Variants in HNRNPF observed in about 807,000 individuals in gnomAD.
HNRNPF encodes heterogeneous nuclear ribonucleoprotein F.
Under a neutral mutation model 26.0 loss-of-function variants are expected in HNRNPF, and 2 were observed. That is an observed-to-expected ratio of 0.08 (90% CI 0.03 to 0.24). The LOEUF (loss-of-function observed/expected upper bound fraction) is 0.24. HNRNPF is among the 10% of genes least tolerant of loss of function. HNRNPF has a pLI of 1.00. For missense variants in HNRNPF, 299 were observed against 539.2 expected, an observed-to-expected ratio of 0.55 and a Z score of 4.41; for synonymous variants, 234 against 211.5, an observed-to-expected ratio of 1.11 and a Z score of -0.92.
chr10:43,403,966 T>G (rs1838831962), intron 1 of HNRNPF, among the ~76,000 whole-genome samples: 1 of 150,434 alleles, frequency 6.6e-6, no homozygotes, highest in Non-Finnish European at 1.5e-5. Flanking sequence ...CACTCCAGTG[T>G]GGGCATCAAA....
chr10:43,405,111 T>C (rs1345487032), intron 1 of HNRNPF, among the ~76,000 whole-genome samples: 8 of 152,226 alleles, frequency 5.3e-5, no homozygotes, highest in African/African-American at 1.9e-4. Context: ...ATTTTGTTTT[T>C]AATTATTTTA....
intron 2 of HNRNPF, among the ~76,000 whole-genome samples, chr10:43,395,764 C>T (rs1310795195): frequency 6.6e-6 from 1 of 152,166 alleles, no homozygotes; most frequent in Non-Finnish European, 1.5e-5. Context: ...CTTGTTTATC[C>T]CTGCGTGATC....
intron 1 of HNRNPF, among the ~76,000 whole-genome samples, chr10:43,402,536 G>C (rs1474628013): frequency 1.3e-5 from 2 of 152,112 alleles, no homozygotes; most frequent in Admixed American, 6.6e-5. Context: ...GAGAAAATTT[G>C]TTACTAGTCT....
intron 3 of HNRNPF, among the ~76,000 whole-genome samples, chr10:43,390,534 C>A (rs140629485): frequency 8.9e-4 from 135 of 152,282 alleles, no homozygotes; most frequent in African/African-American, 3.1e-3. Context: ...CAACTGCTAT[C>A]CCCCTCCTTT....
At chr10:43,391,337 A>G (rs1434075030) in intron 3 of HNRNPF, among the ~76,000 whole-genome samples, 1 of 151,728 alleles carries the variant, frequency 6.6e-6, no homozygotes, top group African/African-American at 2.4e-5. Flanking sequence ...GGGCGCCTGT[A>G]GTCCCAGCCA....
intron 3 of HNRNPF, among the ~76,000 whole-genome samples, chr10:43,392,064 T>G (rs1355810595): frequency 6.6e-6 from 1 of 151,972 alleles, no homozygotes; most frequent in Non-Finnish European, 1.5e-5. Flanking sequence ...ACCAACATGG[T>G]GAAATCCCGC....
intron 1 of HNRNPF, among the ~76,000 whole-genome samples, chr10:43,407,336 A>G (rs1284182692): frequency 6.6e-6 from 1 of 151,986 alleles, no homozygotes; most frequent in Non-Finnish European, 1.5e-5. Context: ...AGTTTCGAGA[A>G]CTAAAGAGGC....
chr10:43,392,525 A>C (rs1564395069), intron 3 of HNRNPF, among the ~76,000 whole-genome samples: 1 of 152,016 alleles, frequency 6.6e-6, no homozygotes, highest in Non-Finnish European at 1.5e-5. Context: ...GGCGACAGAG[A>C]CTCGTCTCAA....
Position 43,387,543 on chromosome 10 carries a change from C to T in HNRNPF, c.342G>A (p.Arg114=), listed in dbSNP as rs1838075936. ...SADSANDGFV[R]LRGLPFGCTK... is the part of the protein sequence containing the mutation. ...TGCATCCAAATGGGAGTCCTCGAAG[C>T]CGCACGAAGCCATCGTTGGCGCTGT... The change falls in exon 4 of 4, where the codon CGG becomes CGA. Residue 114 remains arginine (R), a synonymous_variant. Coordinates refer to ENST00000682386, the MANE Select transcript of HNRNPF (RefSeq NM_001098204.2). The surrounding 1 kb of genome is among the most constrained non-coding windows in gnomAD (Gnocchi z 6.0). 1 of 1,614,230 alleles carries T rather than the reference C, an allele frequency of 6.2e-7. No individual in the cohort carries two copies. Among genetic ancestry groups the T allele is most frequent in the South Asian group, 1.1e-5 (1 of 91,086 alleles).
At chr10:43,392,733 T>C (rs918546350) in intron 3 of HNRNPF, among the ~76,000 whole-genome samples, 2 of 152,196 alleles carry the variant, frequency 1.3e-5, no homozygotes, top group African/African-American at 4.8e-5. Context: ...AACCATTAAC[T>C]GTAGGGAATC....
rs1413824403 is a variant in HNRNPF at position 43,401,332 on chromosome 10, G to A, written c.-246-4742C>T. Among the ~76,000 whole-genome samples the A allele has an allele frequency of 5.9e-5, 9 of 152,136 alleles. No homozygotes were observed. In the South Asian group the frequency reaches 1.5e-3, roughly 25 times the overall value. Reference sequence around the variant, plus strand: ...GTGTTACTAAAAAGCATCAAGAGTAGTATAATGTAATGTTAGATAAATTTT... The same window carrying A: ...GTGTTACTAAAAAGCATCAAGAGTAATATAATGTAATGTTAGATAAATTTT... On this transcript the variant is annotated intron_variant, in intron 1 of 3. Transcript: ENST00000682386.
intron 3 of HNRNPF, among the ~76,000 whole-genome samples, chr10:43,388,364 T>G (rs1838113122): frequency 6.6e-6 from 1 of 152,070 alleles, no homozygotes; most frequent in Admixed American, 6.5e-5. Flanking sequence ...CTTTCATGAG[T>G]AAAAATAAGG....
At chr10:43,399,641 G>A (rs1017073011) in intron 1 of HNRNPF, among the ~76,000 whole-genome samples, 9 of 152,174 alleles carry the variant, frequency 5.9e-5, no homozygotes, top group African/African-American at 2.2e-4. Flanking sequence ...TGAATGGTGG[G>A]AAGAGATACA....
intron 1 of HNRNPF, chr10:43,396,902 AGG>A (rs1480643699): frequency 2.6e-4 from 1 of 3,778 alleles, no homozygotes; most frequent in African/African-American, 1.1e-3. Context: ...GGGGGAGGGG[AGG>A]GGAGGGGAGG....
intron 1 of HNRNPF, among the ~76,000 whole-genome samples, chr10:43,402,521 A>G (rs1838785074): frequency 6.6e-6 from 1 of 152,128 alleles, no homozygotes; most frequent in Non-Finnish European, 1.5e-5. Flanking sequence ...AGCCTCCATA[A>G]CCGTGAGAAA....
chr10:43,391,826 C>T (rs141830406), intron 3 of HNRNPF, among the ~76,000 whole-genome samples: 10 of 152,296 alleles, frequency 6.6e-5, no homozygotes, highest in African/African-American at 2.2e-4. Flanking sequence ...ATTAAACATG[C>T]TCAGTTCTAC....
Position 43,386,181 on chromosome 10 carries a change from A to T in HNRNPF, c.*456T>A, listed in dbSNP as rs1430918645. On this transcript the variant is annotated 3_prime_UTR_variant, in exon 4 of 4. Coordinates refer to ENST00000682386, the MANE Select transcript of HNRNPF (RefSeq NM_001098204.2). The stretch of plus-strand genomic sequence containing the variant: ...GTATTAGTATTGTGTCTCAATTCTC[A>T]AAACTAACTTTTAAAAAGCTTAAAC... 6.5e-6 allele frequency: 1 copy of T among 153,556 alleles called. No homozygotes were observed. The highest frequency in any genetic ancestry group is 1.5e-5 in the Non-Finnish European group (1 of 68,718). 9.5% of individuals were successfully genotyped at this position (153,556 alleles called of 1,614,324 possible). A position where few individuals can be genotyped will look rare whatever the true frequency, so the allele number is the denominator to read the frequency against.
At chr10:43,400,057 A>G (rs1588997775) in intron 1 of HNRNPF, among the ~76,000 whole-genome samples, 1 of 152,286 alleles carries the variant, frequency 6.6e-6, no homozygotes, top group East Asian at 1.9e-4. Flanking sequence ...GGTTTAAAGT[A>G]GAAGCTGGCC....
chr10:43,390,992 A>G (rs1440126676), intron 3 of HNRNPF, among the ~76,000 whole-genome samples: 1 of 152,016 alleles, frequency 6.6e-6, no homozygotes, highest in East Asian at 1.9e-4. Context: ...TGCTGCCCCC[A>G]AGTTGTGAAA....
Sources: allele counts gnomAD v4.1 joint callset (sites outside exome capture counted in the v4.1 genomes callset), GRCh38; gene constraint gnomAD v4.1.1; non-coding constraint Gnocchi (gnomAD v3.1); transcripts MANE v1.5; gene names NCBI Gene and HGNC (gene_info 2026-07-23, HGNC 2026-07-21).